The following MYT1L variants were observed in gnomAD, a reference collection of about 807,000 sequenced individuals.
MYT1L encodes the protein myelin transcription factor 1-like protein.
A neutral mutation model predicts 126.7 loss-of-function variants in MYT1L; 12 were observed. That is an observed-to-expected ratio of 0.09 (90% CI 0.06 to 0.15). The LOEUF (loss-of-function observed/expected upper bound fraction) is 0.15, where lower values mean the gene tolerates loss of function less well. MYT1L is among the 10% of genes least tolerant of loss of function. MYT1L has a pLI of 1.00. For missense variants in MYT1L, 979 were observed against 1,585.2 expected (o/e 0.62, Z 6.49); for synonymous variants, 541 against 604.2 (o/e 0.90, Z 1.53).
chr2:2,010,021 ATTGAT>A (rs1336431021), intron 4 of MYT1L, among the ~76,000 whole-genome samples: 1 of 150,030 alleles, frequency 6.7e-6, no homozygotes, highest in African/African-American at 2.5e-5. Flanking sequence ...CATCACATTG[ATTGAT>A]TTGCATATTT....
At chr2:2,175,844 G>A (rs2090686260) in intron 2 of MYT1L, among the ~76,000 whole-genome samples, 1 of 152,234 alleles carries the variant, frequency 6.6e-6, no homozygotes, top group Non-Finnish European at 1.5e-5. Context: ...TGATTGGCAG[G>A]TGCATCTCCA....
chr2:2,185,574 G>C (rs1279469200), intron 2 of MYT1L, among the ~76,000 whole-genome samples: 2 of 148,438 alleles, frequency 1.3e-5, no homozygotes, highest in African/African-American at 5.0e-5. Context: ...CGTTCCTTCC[G>C]TGAGGGGGAC....
chr2:2,019,818 T>C (rs1241010481), intron 4 of MYT1L, among the ~76,000 whole-genome samples: 1 of 152,150 alleles, frequency 6.6e-6, no homozygotes, highest in Non-Finnish European at 1.5e-5. Flanking sequence ...TTTTTTCAGT[T>C]TGAGTTGATA....
intron 3 of MYT1L, among the ~76,000 whole-genome samples, chr2:2,075,728 G>A (rs2075145475): frequency 6.6e-6 from 1 of 152,162 alleles, no homozygotes; most frequent in Non-Finnish European, 1.5e-5. Context: ...CATTAAAAAA[G>A]CTTATGGGTT....
chr2:1,988,904 A>G (rs570828891), intron 5 of MYT1L, among the ~76,000 whole-genome samples: 2 of 152,340 alleles, frequency 1.3e-5, no homozygotes, highest in African/African-American at 2.4e-5. Flanking sequence ...AAGTTTTCCC[A>G]AAGGGATAAG....
chr2:2,292,106 A>C (rs767174126), intron 1 of MYT1L, among the ~76,000 whole-genome samples: 3 of 152,248 alleles, frequency 2.0e-5, no homozygotes, highest in Non-Finnish European at 2.9e-5. Context: ...GAAGGAAGGA[A>C]TCTTCCCAGG....
chr2:1,955,157 T>A (rs1307613379), intron 8 of MYT1L, among the ~76,000 whole-genome samples: 30 of 138,172 alleles, frequency 2.2e-4, no homozygotes, highest in African/African-American at 7.4e-4. Flanking sequence ...AAAAAAAAAA[T>A]ATGATTCTAC....
chr2:2,172,204 C>T (rs980237975), intron 3 of MYT1L, among the ~76,000 whole-genome samples: 1 of 152,138 alleles, frequency 6.6e-6, no homozygotes, highest in Non-Finnish European at 1.5e-5. Flanking sequence ...ATGCGCCAAT[C>T]TCTTCCCTCC....
At chr2:2,161,722 A>C (rs950205059) in intron 3 of MYT1L, among the ~76,000 whole-genome samples, 10 of 152,328 alleles carry the variant, frequency 6.6e-5, no homozygotes, top group Middle Eastern at 3.4e-3. Flanking sequence ...AGCTCCCAGC[A>C]GCCTCAGAGG....
chr2:1,855,451 T>C (rs773530996), intron 18 of MYT1L, among the ~76,000 whole-genome samples: 2 of 152,218 alleles, frequency 1.3e-5, no homozygotes, highest in African/African-American at 2.4e-5. Context: ...TGGGTTTCCA[T>C]GGAAACGGCC....
intron 2 of MYT1L, among the ~76,000 whole-genome samples, chr2:2,206,267 C>T (rs112018349): frequency 0.013 from 1,904 of 152,190 alleles, 19 homozygotes; most frequent in Non-Finnish European, 0.017. Flanking sequence ...CACGAGCCAC[C>T]GTGCCCGGCC....
intron 3 of MYT1L, among the ~76,000 whole-genome samples, chr2:2,091,920 T>C (rs1006257326): frequency 2.6e-5 from 4 of 152,222 alleles, no homozygotes; most frequent in Admixed American, 2.6e-4. Flanking sequence ...TAAGGAGAGT[T>C]AGGGCCTTTC....
At chr2:2,108,700 CA>C (rs1420718569) in intron 3 of MYT1L, among the ~76,000 whole-genome samples, 2 of 152,208 alleles carry the variant, frequency 1.3e-5, no homozygotes, top group African/African-American at 2.4e-5. Context: ...ACATTCAGGA[CA>C]TTTTTTTCTT....
At chr2:1,815,309 T>C (rs1192891915) in intron 21 of MYT1L, among the ~76,000 whole-genome samples, 1 of 152,190 alleles carries the variant, frequency 6.6e-6, no homozygotes, top group Non-Finnish European at 1.5e-5. Flanking sequence ...CCACCTTCGC[T>C]GAGCAGCATC....
In MYT1L at chr2:1,922,655, G is replaced by T. The variant is rs1441156086; in HGVS notation, c.1114C>A (p.Pro372Thr). 25 of 1,613,706 alleles carry T rather than the reference G, an allele frequency of 1.5e-5. No homozygotes were observed. Among genetic ancestry groups the T allele is most frequent in the Non-Finnish European group, 2.1e-5 (25 of 1,179,858 alleles). ...AGCATGTCCGAGTAGTTTCTGTCCG[G>T]CGTCCTTCCGGGGAAGTCCTCTTCT... ...RPEEDFPGRT[P>T]DRNYSDMLNL... Residue 372 changes from proline to threonine, a missense_variant, in exon 10 of 25, where the codon CCG (proline) becomes ACG (threonine). Transcript: ENST00000647738. The surrounding 1 kb of genome is among the most constrained non-coding windows in gnomAD (Gnocchi z 7.4).
chr2:2,051,235 T>C lies in MYT1L; in HGVS notation c.-158+2743A>G, dbSNP rs115416335. On this transcript the variant is annotated intron_variant, in intron 4 of 24. Coordinates refer to ENST00000647738, the MANE Select transcript of MYT1L (RefSeq NM_001303052.2). ...ACAACTGAATAGTATTCCACGTCCA[T>C]TACTTGATGCTTCCCATCTCTAAGT... Among the ~76,000 whole-genome samples, 472 of 152,332 alleles carry C rather than the reference T, an allele frequency of 3.1e-3. 4 individuals are homozygous for C. The highest frequency in any genetic ancestry group is 0.011 in the African/African-American group (460 of 41,584).
rs1009298480 is a variant in MYT1L at position 2,059,317 on chromosome 2, T to A, written c.-303-5194A>T. Among the ~76,000 whole-genome samples, 2 of 150,606 alleles carry A rather than the reference T, an allele frequency of 1.3e-5. No homozygotes were observed. The highest frequency in any genetic ancestry group is 5.0e-5 in the African/African-American group (2 of 39,932). On this transcript the variant is annotated intron_variant, in intron 3 of 24. Transcript: ENST00000647738. This position sits in a 1 kb window ranked among gnomAD's most constrained non-coding sequence, Gnocchi z 4.7. ...TCCAGTGACTTTCCATGAAAGCACA[T>A]GCCATCTTGTCCCATGCAACACAAA...
intron 2 of MYT1L, among the ~76,000 whole-genome samples, chr2:2,217,673 C>T (rs1253886369): frequency 1.4e-5 from 1 of 73,602 alleles, no homozygotes; most frequent in Non-Finnish European, 2.5e-5. Context: ...TCCATCTCAA[C>T]AACAACAACA....
At chr2:2,215,281 G>A (rs1348601148) in intron 2 of MYT1L, among the ~76,000 whole-genome samples, 7 of 152,068 alleles carry the variant, frequency 4.6e-5, no homozygotes, top group Admixed American at 4.6e-4. Context: ...TACAATGTAA[G>A]ATCTAACTCT....
Sources: allele counts gnomAD v4.1 joint callset (sites outside exome capture counted in the v4.1 genomes callset), GRCh38; gene constraint gnomAD v4.1.1; non-coding constraint Gnocchi (gnomAD v3.1); transcripts MANE v1.5; gene names NCBI Gene and HGNC (gene_info 2026-07-23, HGNC 2026-07-21).